The following PDLIM7 variants were observed in gnomAD, a reference collection of about 807,000 sequenced individuals.
The protein encoded by PDLIM7 is PDZ and LIM domain 7.
Under a neutral mutation model 53.9 loss-of-function variants are expected in PDLIM7, and 37 were observed. That is an observed-to-expected ratio of 0.69 (90% CI 0.53 to 0.90). The LOEUF (loss-of-function observed/expected upper bound fraction) is 0.90, where lower values mean the gene tolerates loss of function less well. Among genes scored for constraint, PDLIM7 ranks in the 40% least tolerant of loss-of-function variants. PDLIM7 has a pLI of 0.00. For synonymous variants in PDLIM7, 300 were observed against 261.3 expected, an observed-to-expected ratio of 1.15 and a Z score of -1.43; for missense variants, 617 against 638.5, an observed-to-expected ratio of 0.97 and a Z score of 0.36.
At chr5:177,491,623 C>A in intron 5 of PDLIM7, 184 bp downstream of exon 5, 1 of 627,578 alleles carries the variant, frequency 1.6e-6, no homozygotes, top group Non-Finnish European at 2.8e-6. Flanking sequence ...CAGGGCGGTG[C>A]CCTGCAAGGC....
chr5:177,490,712 GGGAAGGAA>G (rs573434723), intron 7 of PDLIM7, 150 bp downstream of exon 7: 168,882 of 629,066 alleles, frequency 0.27, 22,640 homozygotes, highest in East Asian at 0.33. Flanking sequence ...GAAGGAGGAA[GGGAAGGAA>G]GGAAGGAAGG....
intron 2 of PDLIM7, among the ~76,000 whole-genome samples, chr5:177,493,459 C>CT (rs1274437856): frequency 6.6e-6 from 1 of 152,222 alleles, no homozygotes; most frequent in Non-Finnish European, 1.5e-5. Context: ...CCAGCATGAG[C>CT]TGAGACCATC....
chr5:177,493,911 G>A (rs1163103280), intron 2 of PDLIM7, among the ~76,000 whole-genome samples: 1 of 152,142 alleles, frequency 6.6e-6, no homozygotes, highest in Non-Finnish European at 1.5e-5. Flanking sequence ...CAGGGAGAGG[G>A]GAGGCAAGAG....
intron 10 of PDLIM7, among the ~76,000 whole-genome samples, chr5:177,486,413 A>G (rs1291545261): frequency 5.3e-5 from 8 of 152,062 alleles, no homozygotes; most frequent in Non-Finnish European, 1.0e-4. Context: ...CTCTTCAGTG[A>G]GGCCCAGAGA....
chr5:177,497,134 G>A (rs1052294216), intron 1 of PDLIM7, among the ~76,000 whole-genome samples: 4 of 151,868 alleles, frequency 2.6e-5, no homozygotes, highest in African/African-American at 9.7e-5. Context: ...CTGAAGAAGG[G>A]GAAGGCGGGA....
intron 2 of PDLIM7, among the ~76,000 whole-genome samples, chr5:177,495,787 T>C (rs1759042262): frequency 6.6e-6 from 1 of 152,002 alleles, no homozygotes; most frequent in African/African-American, 2.4e-5. Flanking sequence ...GCCCCTAGAA[T>C]GGAGCCCTGT....
At chr5:177,489,746 C>G in intron 8 of PDLIM7, 25 bp downstream of exon 8, 1 of 1,512,988 alleles carries the variant, frequency 6.6e-7, no homozygotes, top group Non-Finnish European at 8.9e-7. Flanking sequence ...CACCCTTGCC[C>G]AGGCCCGAGC....
chr5:177,489,268 C>T, intron 9 of PDLIM7, 125 bp downstream of exon 9: 2 of 766,184 alleles, frequency 2.6e-6, no homozygotes, highest in Non-Finnish European at 4.2e-6. Flanking sequence ...GTCCCTACTC[C>T]TACTCCAGCT....
At chr5:177,492,127 A>T in intron 4 of PDLIM7, 1 of 567,574 alleles carries the variant, frequency 1.8e-6, no homozygotes, top group Non-Finnish European at 3.1e-6. Context: ...CAGTCCACGC[A>T]GGACCGAGGG....
chr5:177,491,377 G>C (rs779085494), intron 5 of PDLIM7: 2 of 1,552,204 alleles, frequency 1.3e-6, no homozygotes, highest in South Asian at 1.2e-5. Context: ...GAAGAAGAAA[G>C]GCACAGGCAG....
At position 177,491,652 on chromosome 5, in the gene PDLIM7, G is replaced by T. The variant is rs368339983; in HGVS notation, c.398+155C>A. 80 of 610,678 alleles carry T rather than the reference G, an allele frequency of 1.3e-4. 1 individual carries two copies. The highest frequency in any genetic ancestry group is 1.1e-3 in the African/African-American group (60 of 52,836). 37.8% of individuals were successfully genotyped at this position (610,678 alleles called of 1,614,324 possible). A position where few individuals can be genotyped will look rare whatever the true frequency, so the allele number is the denominator to read the frequency against. Reference sequence around the variant, plus strand: ...GCAAGGCGCCACAGCCTCGGGAGGGGCCCTGTGCCTGCAGCCCCACCCCGG... The same window carrying T: ...GCAAGGCGCCACAGCCTCGGGAGGGTCCCTGTGCCTGCAGCCCCACCCCGG... On this transcript the variant is annotated intron_variant, in intron 5 of 12. Transcript: ENST00000355841.
At chr5:177,483,783 C>A in intron 12 of PDLIM7, 53 bp from the exon 13 acceptor site, 1 of 1,578,106 alleles carries the variant, frequency 6.3e-7, no homozygotes, top group South Asian at 1.1e-5. Flanking sequence ...AGGAGAGGCC[C>A]CTTCCCAACT....
At chr5:177,488,800 G>A (rs954387071) in intron 9 of PDLIM7, among the ~76,000 whole-genome samples, 1 of 152,036 alleles carries the variant, frequency 6.6e-6, no homozygotes, top group East Asian at 1.9e-4. Flanking sequence ...TGAGGCAGGA[G>A]AATCTCTTGA....
intron 1 of PDLIM7, 29 bp from the exon 2 acceptor site, chr5:177,496,552 C>A: frequency 2.0e-6 from 3 of 1,488,134 alleles, no homozygotes; most frequent in East Asian, 2.6e-5. Flanking sequence ...AGGTGAGTGG[C>A]CAGCATGGTG....
chr5:177,484,541 G>A (rs904682547), intron 10 of PDLIM7: 4 of 263,646 alleles, frequency 1.5e-5, no homozygotes, highest in African/African-American at 2.2e-5. Context: ...ATCCAGTGGG[G>A]CCCACCCCCA....
chr5:177,488,552 A>G (rs58610937), intron 9 of PDLIM7, among the ~76,000 whole-genome samples: 1,897 of 152,294 alleles, frequency 0.012, 42 homozygotes, highest in African/African-American at 0.043. Context: ...CAAACCCTGG[A>G]GCTGCCCTGT....
chr5:177,484,442 T>C (rs1348690987), intron 10 of PDLIM7: 1 of 473,738 alleles, frequency 2.1e-6, no homozygotes, highest in South Asian at 2.4e-5. Context: ...CCCACAGCCA[T>C]CCCCATCACG....
At position 177,489,503 on chromosome 5, in the gene PDLIM7, C is replaced by T. The variant is rs753223314; in HGVS notation, c.759G>A (p.Thr253=). The change falls in exon 9 of 13, where the codon ACG becomes ACA. Residue 253 remains threonine, a synonymous_variant. Transcript: ENST00000355841. The stretch of plus-strand genomic sequence containing the variant: ...CAATGGAGGTGCGGCTCTGCAGCGG[C>T]GTGGGCGTGGCCGGCTGGCTGTGCC... ...LTRHSQPATP[T]PLQSRTSIVQ... The T allele has an allele frequency of 8.7e-6, 14 of 1,608,760 alleles. No homozygotes were observed. Among genetic ancestry groups the T allele is most frequent in the African/African-American group, 5.3e-5 (4 of 74,888 alleles).
At chr5:177,496,359 TG>T in intron 2 of PDLIM7, 57 bp downstream of exon 2, 4 of 1,313,080 alleles carry the variant, frequency 3.0e-6, no homozygotes, top group South Asian at 1.5e-5. Flanking sequence ...CATCACCCTC[TG>T]GAGACCTAAG....
Sources: allele counts gnomAD v4.1 joint callset (sites outside exome capture counted in the v4.1 genomes callset), GRCh38; gene constraint gnomAD v4.1.1; transcripts MANE v1.5; gene names NCBI Gene and HGNC (gene_info 2026-07-23, HGNC 2026-07-21).